Variants in PTPRN2 observed in about 807,000 individuals in gnomAD.
PTPRN2 encodes the protein protein tyrosine phosphatase receptor type N2.
Under a neutral mutation model 118.8 loss-of-function variants are expected in PTPRN2, and 74 were observed. That is an observed-to-expected ratio of 0.62 (90% confidence interval 0.52 to 0.76). PTPRN2 has a LOEUF of 0.76. PTPRN2 is among the 30% of genes least tolerant of loss of function. The pLI is 0.00. For synonymous variants in PTPRN2, 641 were observed against 608.0 expected (o/e 1.05, Z -0.80); for missense variants, 1,481 against 1,394.4 (o/e 1.06, Z -0.99).
At chr7:157,800,220 C>T (rs933912367) in intron 12 of PTPRN2, among the ~76,000 whole-genome samples, 1 of 152,204 alleles carries the variant, frequency 6.6e-6, no homozygotes, top group African/African-American at 2.4e-5. Context: ...CCTGCGTGGC[C>T]TCTGTGTTTC....
intron 1 of PTPRN2, among the ~76,000 whole-genome samples, chr7:158,560,214 A>G (rs1357547174): frequency 6.6e-6 from 1 of 152,214 alleles, no homozygotes; most frequent in African/African-American, 2.4e-5. Context: ...CTTACCACTC[A>G]TCCGTCAGTG....
chr7:158,165,814 C>G (rs1176201998), intron 6 of PTPRN2, among the ~76,000 whole-genome samples: 2 of 152,212 alleles, frequency 1.3e-5, no homozygotes, highest in South Asian at 4.1e-4. Context: ...CAGGAACCCG[C>G]AAACGCCTTT....
intron 2 of PTPRN2, among the ~76,000 whole-genome samples, chr7:158,401,159 C>T (rs760936377): frequency 2.8e-4 from 43 of 152,160 alleles, no homozygotes; most frequent in Non-Finnish European, 1.5e-5. Context: ...AGGGGCTCTC[C>T]GGGTTCCTGA....
rs532719027 is a variant in PTPRN2 at position 157,708,217 on chromosome 7, C to G, written c.1789-25280G>C. On this transcript the variant is annotated intron_variant, in intron 12 of 22. Transcript: ENST00000389418. The stretch of plus-strand genomic sequence containing the variant: ...CGTGCCGTGTGCCTCTGAGTGTTGC[C>G]TTCCCTTCTGAAGCTCAGGCACATC... Among the ~76,000 whole-genome samples the G allele has an allele frequency of 4.6e-5, 7 of 152,324 alleles. No homozygotes were observed. The East Asian group carries it at 1.4e-3, about 29-fold the overall frequency.
chr7:157,717,749 C>T (rs889071228), intron 12 of PTPRN2, among the ~76,000 whole-genome samples: 10 of 152,268 alleles, frequency 6.6e-5, no homozygotes, highest in Admixed American at 2.6e-4. Flanking sequence ...AGGCACATCC[C>T]GACCTGCGGG....
At chr7:157,901,183 C>T (rs895130616) in intron 11 of PTPRN2, among the ~76,000 whole-genome samples, 13 of 152,204 alleles carry the variant, frequency 8.5e-5, no homozygotes, top group Admixed American at 4.6e-4. Flanking sequence ...AGCGAGAAGT[C>T]GCTCACCTCC....
intron 2 of PTPRN2, among the ~76,000 whole-genome samples, chr7:158,411,112 G>A (rs546442350): frequency 1.3e-5 from 2 of 151,996 alleles, no homozygotes; most frequent in Non-Finnish European, 2.9e-5. Flanking sequence ...CTCCCGAGAG[G>A]AGGCCTCGCT....
intron 8 of PTPRN2, among the ~76,000 whole-genome samples, chr7:158,135,062 A>T (rs901630088): frequency 3.3e-5 from 5 of 152,200 alleles, no homozygotes; most frequent in African/African-American, 1.2e-4. Flanking sequence ...CATACCAGGC[A>T]ACCCACGGAC....
At chr7:158,428,611 G>A in intron 2 of PTPRN2, among the ~76,000 whole-genome samples, 1 of 152,104 alleles carries the variant, frequency 6.6e-6, no homozygotes, top group East Asian at 1.9e-4. Context: ...TATAATTTTA[G>A]TACCTGCAAG....
chr7:158,372,203 TC>T (rs1484424173), intron 2 of PTPRN2, among the ~76,000 whole-genome samples: 7 of 143,736 alleles, frequency 4.9e-5, no homozygotes, highest in African/African-American at 1.6e-4. Context: ...CCAACGCTGG[TC>T]CCCGGAGCTG....
rs879248621 is a variant in PTPRN2, at chr7:158,098,051, C to T, written c.1643+12778G>A. ...CCACACCCCCGTCCGTCCCTCGAGC[C>T]GGTGCATTTGCCAAGTGTGTGCCCG... On this transcript the variant is annotated intron_variant, in intron 10 of 22. Coordinates refer to ENST00000389418, the MANE Select transcript of PTPRN2 (RefSeq NM_002847.5). Among the ~76,000 whole-genome samples, 13 of 152,210 alleles carry T rather than the reference C, an allele frequency of 8.5e-5. No homozygotes were observed. The South Asian group carries it at 1.7e-3, about 19-fold the overall frequency.
At chr7:157,927,321 C>T (rs1799068245) in intron 11 of PTPRN2, among the ~76,000 whole-genome samples, 2 of 60,868 alleles carry the variant, frequency 3.3e-5, no homozygotes, top group African/African-American at 2.3e-4. Context: ...TTCTGGGACC[C>T]CAAGACAGGA....
chr7:158,180,327 G>A (rs1182906864), intron 5 of PTPRN2, among the ~76,000 whole-genome samples: 1 of 152,180 alleles, frequency 6.6e-6, no homozygotes, highest in Non-Finnish European at 1.5e-5. Flanking sequence ...CTGTTCCATT[G>A]GTCTATGTGC....
At chr7:158,557,286 T>C (rs1455041525) in intron 1 of PTPRN2, among the ~76,000 whole-genome samples, 15 of 120,416 alleles carry the variant, frequency 1.2e-4, no homozygotes, top group Non-Finnish European at 2.6e-4. Context: ...AGGCGGCTCC[T>C]GTGCAGGTCG....
intron 11 of PTPRN2, among the ~76,000 whole-genome samples, chr7:157,957,505 T>C (rs1238815920): frequency 6.6e-6 from 1 of 152,096 alleles, no homozygotes; most frequent in Non-Finnish European, 1.5e-5. Context: ...TCAAAATAAA[T>C]CATCAATTAA....
chr7:158,151,059 GCCCGC>G (rs1563520445), intron 6 of PTPRN2, among the ~76,000 whole-genome samples: 59 of 117,192 alleles, frequency 5.0e-4, no homozygotes, highest in African/African-American at 1.9e-3. Flanking sequence ...TGCCCACACT[GCCCGC>G]CTTTCCACTC....
intron 12 of PTPRN2, among the ~76,000 whole-genome samples, chr7:157,737,806 C>T (rs1800391975): frequency 6.6e-6 from 1 of 152,234 alleles, no homozygotes; most frequent in Non-Finnish European, 1.5e-5. Context: ...TCTGGAAGAG[C>T]CTGACTAGGA....
chr7:158,488,383 G>C (rs1563349940), intron 2 of PTPRN2, among the ~76,000 whole-genome samples: 1 of 152,142 alleles, frequency 6.6e-6, no homozygotes, highest in African/African-American at 2.4e-5. Flanking sequence ...AGAGAAAACA[G>C]CAGAAGCTGC....
At chr7:158,293,140 T>C (rs1026736927) in intron 3 of PTPRN2, among the ~76,000 whole-genome samples, 1 of 152,116 alleles carries the variant, frequency 6.6e-6, no homozygotes, top group African/African-American at 2.4e-5. Flanking sequence ...TGAAATTTGC[T>C]CTGAGTGCAT....
Sources: gnomAD v4.1 joint callset for allele counts (sites outside exome capture counted in the v4.1 genomes callset) on GRCh38, gnomAD v4.1.1 for gene constraint, MANE v1.5 for transcripts, NCBI Gene and HGNC (gene_info 2026-07-23, HGNC 2026-07-21) for gene names.